CCDC120: variants seen among roughly 807,000 people sequenced by gnomAD.
CCDC120 encodes coiled-coil domain containing 120, also known as coiled-coil domain-containing protein 120.
CCDC120 carries 16 observed loss-of-function variants against 37.6 expected under a neutral mutation model. The observed-to-expected ratio is 0.43, with a 90% CI of 0.29 to 0.65. The LOEUF (loss-of-function observed/expected upper bound fraction) is 0.65. CCDC120 is among the 30% of genes least tolerant of loss of function. CCDC120 has a pLI of 0.18. For missense variants in CCDC120, 650 were observed against 657.4 expected (o/e 0.99, Z 0.12); for synonymous variants, 309 against 275.4 (o/e 1.12, Z -1.21).
chrX:49,058,517 A>G (rs1277477611), upstream of CCDC120, among the ~76,000 whole-genome samples: 1 of 111,949 alleles, frequency 8.9e-6, no homozygotes, highest in African/African-American at 3.2e-5. Flanking sequence ...ACAGCTCCCC[A>G]CACCTCTATG....
In CCDC120 at chrX:49,067,368, C is replaced by A; in HGVS notation, c.1254C>A (p.Pro418=). ...GAGSPPAPLA[P]SASGPPVCKS... ...GCTCCCCGCCTGCCCCTCTGGCTCC[C>A]TCTGCCTCTGGCCCCCCAGTCTGCA... The change falls in exon 10 of 11, where the codon CCC becomes CCA. Residue 418 remains proline (P), a synonymous_variant. Transcript: ENST00000603986. 1.7e-6 allele frequency: 2 copies of A among 1,199,934 alleles called. No homozygotes were observed. The highest frequency in any genetic ancestry group is 3.0e-5 in the East Asian group (1 of 33,312).
chrX:49,064,177 C>A (rs782010325), intron 5 of CCDC120, among the ~76,000 whole-genome samples, 176 bp downstream of exon 5: 2 of 111,620 alleles, frequency 1.8e-5, no homozygotes, highest in Non-Finnish European at 3.8e-5. Flanking sequence ...TGGTCCCTAA[C>A]TGTCAGGACA....
chrX:49,065,126 C>G, intron 7 of CCDC120, 28 bp downstream of exon 7: 1 of 1,188,320 alleles, frequency 8.4e-7, no homozygotes, highest in Non-Finnish European at 1.1e-6. Flanking sequence ...CCAAACCTGC[C>G]CCCGACTCCT....
Position 49,069,435 on chromosome X carries a change from G to A in CCDC120, c.*777G>A, listed in dbSNP as rs1287973719. On this transcript the variant is annotated 3_prime_UTR_variant, in exon 11 of 11. Transcript: ENST00000603986. Reference sequence around the variant, plus strand: ...TCTGTCACCAGGCTGGAGTGCAGCGGCGCAATCTCAGCTCACTGCAACCTC... The same window carrying A: ...TCTGTCACCAGGCTGGAGTGCAGCGACGCAATCTCAGCTCACTGCAACCTC... The A allele has an allele frequency of 6.2e-5, 7 of 112,238 alleles. No individual in the cohort carries two copies. The highest frequency in any genetic ancestry group is 2.3e-4 in the African/African-American group (7 of 30,857). 9.2% of individuals were successfully genotyped at this position (112,238 alleles called of 1,213,427 possible). A position where few individuals can be genotyped will look rare whatever the true frequency, so the allele number is the denominator to read the frequency against.
intron 10 of CCDC120, 75 bp from the exon 11 acceptor site, chrX:49,068,469 T>C: frequency 9.6e-7 from 1 of 1,046,325 alleles, no homozygotes; most frequent in East Asian, 3.8e-5. Flanking sequence ...CCTTTCTTTT[T>C]CTGTGTCTTG....
intron 10 of CCDC120, 121 bp from the exon 11 acceptor site, chrX:49,068,423 C>A: frequency 2.9e-6 from 3 of 1,048,790 alleles, no homozygotes; most frequent in Non-Finnish European, 3.7e-6. Context: ...AAGTGCTGTC[C>A]TGTGCCTGCC....
intron 2 of CCDC120, 31 bp from the exon 3 acceptor site, chrX:49,062,204 T>A: frequency 8.4e-7 from 1 of 1,193,265 alleles, no homozygotes; most frequent in Admixed American, 2.3e-5. Context: ...TGGGATGTGC[T>A]TCCTTAACGG....
Position 49,068,550 on chromosome X carries a change from C to T in CCDC120, c.1983C>T (p.Tyr661=), listed in dbSNP as rs1170847703. The T allele has an allele frequency of 8.8e-6, 10 of 1,139,728 alleles. No homozygotes were observed. Among genetic ancestry groups the T allele is most frequent in the African/African-American group, 1.8e-5 (1 of 54,388 alleles). 93.9% of individuals were successfully genotyped at this position (1,139,728 alleles called of 1,213,427 possible). A position where few individuals can be genotyped will look rare whatever the true frequency, so the allele number is the denominator to read the frequency against. ...CCTGCTACCCCTTCTAAAGATACTA[C>T]GCGGACTTCCTGTATCCCCCGGAGC... ...FTAPPVSGRY[Y]ADFLYPPELS... is the part of the protein sequence containing the mutation. The change falls in exon 11 of 11, where the codon TAC becomes TAT. Residue 661 remains tyrosine, a synonymous_variant. Transcript: ENST00000603986.
At chrX:49,058,236 A>G (rs377387383), upstream of CCDC120, among the ~76,000 whole-genome samples, 5 of 111,722 alleles carry the variant, frequency 4.5e-5, no homozygotes, top group East Asian at 1.4e-3. Flanking sequence ...CAAAACCCAT[A>G]AGTGTTTTGT....
In CCDC120 at chrX:49,063,872, C is replaced by G; in HGVS notation, c.300C>G (p.Gly100=). 6.6e-6 allele frequency: 8 copies of G among 1,205,405 alleles called. No individual in the cohort carries two copies. The highest frequency in any genetic ancestry group is 9.0e-6 in the Non-Finnish European group (8 of 892,270). Residue 100 remains glycine, a synonymous_variant, in exon 5 of 11, where the codon GGC becomes GGG. Coordinates refer to ENST00000603986, the MANE Select transcript of CCDC120 (RefSeq NM_001163321.4). ...CTGCCTCCCACCAGGAGCTGACTGG[C>G]CAGCTGCCCCCTGAGTGCCCACTAG... The part of the protein sequence containing the change: ...KVCLQEAELT[G]QLPPECPLEP...
intron 1 of CCDC120, chrX:49,053,908 G>A (rs2064814807): frequency 8.8e-6 from 1 of 113,084 alleles, no homozygotes; most frequent in Non-Finnish European, 1.9e-5. Context: ...GCGGAGGAAG[G>A]GAGGGGACAG....
At chrX:49,059,343 C>T (rs968355825) in intron 1 of CCDC120, 9 of 752,564 alleles carry the variant, frequency 1.2e-5, no homozygotes, top group Middle Eastern at 7.4e-4. Context: ...CGGAAATGGA[C>T]GAGGAGGGAT....
At chrX:49,068,508 G>A (rs781966033) in intron 10 of CCDC120, 36 bp from the exon 11 acceptor site, 8 of 1,060,620 alleles carry the variant, frequency 7.5e-6, no homozygotes, top group Middle Eastern at 5.1e-4. Context: ...TGTCTTCCCC[G>A]CCCTGTCCTC....
At chrX:49,058,628 T>C (rs963260253), upstream of CCDC120, among the ~76,000 whole-genome samples, 1 of 112,616 alleles carries the variant, frequency 8.9e-6, no homozygotes, top group Admixed American at 9.3e-5. Context: ...CAGCCCTTCT[T>C]CCCAGTTTTC....
At chrX:49,058,649 A>G (rs950511907), upstream of CCDC120, among the ~76,000 whole-genome samples, 3 of 112,412 alleles carry the variant, frequency 2.7e-5, no homozygotes, top group African/African-American at 9.7e-5. Flanking sequence ...TGCTAAGTGT[A>G]CGGGGTGAGG....
chrX:49,066,972 C>T (rs1221337694), intron 9 of CCDC120: 5 of 426,093 alleles, frequency 1.2e-5, no homozygotes, highest in Middle Eastern at 6.5e-4. Context: ...CGCATTTCTA[C>T]CCCTGACCGC....
In CCDC120 at chrX:49,067,910, T is replaced by G; in HGVS notation, c.1796T>G (p.Ile599Ser). The change falls in exon 10 of 11, where the codon ATC (isoleucine) becomes AGC (serine). Residue 599 changes from isoleucine (I) to serine (S), a missense_variant. Ile to Ser is a moderately radical substitution (Grantham distance 142). Around this residue, in one of 3 missense-constraint regions of CCDC120, gnomAD observed 576 missense variants for 565.3 expected, o/e 1.02. Transcript: ENST00000603986. ...CTGGAGGGGCTGCGGGACTGGTACA[T>G]CCGGAACTCGGGACTGGCTGCGGGG... The part of the protein sequence containing the change: ...LALEGLRDWY[I>S]RNSGLAAGPQ... The G allele has an allele frequency of 3.5e-6, 4 of 1,157,869 alleles. No homozygotes were observed. The highest frequency in any genetic ancestry group is 4.6e-6 in the Non-Finnish European group (4 of 866,071).
Position 49,065,512 on chromosome X carries a change from C to G in CCDC120, c.846C>G (p.Asp282Glu), listed in dbSNP as rs782003632. The change falls in exon 8 of 11, where the codon GAC becomes GAG. Residue 282 changes from aspartate to glutamate, a missense_variant. By Grantham distance (45) the Asp-to-Glu change is conservative. Transcript: ENST00000603986. Reference sequence around the variant, plus strand: ...GCCCCTCACCACCCAAGGCTTGGGACCAGCTGCGGGCAGTATCTGGGGGGA... The same window carrying G: ...GCCCCTCACCACCCAAGGCTTGGGAGCAGCTGCGGGCAGTATCTGGGGGGA... ...AERPSPPKAW[D>E]QLRAVSGGSP... The G allele has an allele frequency of 2.5e-6, 3 of 1,208,777 alleles. No individual in the cohort carries two copies. Among genetic ancestry groups the G allele is most frequent in the Non-Finnish European group, 3.4e-6 (3 of 894,487 alleles).
rs782535215 is a variant in CCDC120 at position 49,068,532 on chromosome X, C to T, written c.1977-12C>T. On this transcript the variant is annotated splice_polypyrimidine_tract_variant and intron_variant, in intron 10 of 10. Coordinates refer to ENST00000603986, the MANE Select transcript of CCDC120 (RefSeq NM_001163321.4). ...CGCCCTGTCCTCCGGATTCCTGCTA[C>T]CCCTTCTAAAGATACTACGCGGACT... 16 of 1,111,376 alleles carry T rather than the reference C, an allele frequency of 1.4e-5. No individual in the cohort carries two copies. The highest frequency in any genetic ancestry group is 1.8e-5 in the Non-Finnish European group (15 of 844,190). 91.6% of individuals were successfully genotyped at this position (1,111,376 alleles called of 1,213,427 possible).
Sources: allele counts gnomAD v4.1 joint callset (sites outside exome capture counted in the v4.1 genomes callset), GRCh38; gene constraint gnomAD v4.1.1; regional missense constraint gnomAD v4.1.1; transcripts MANE v1.5; gene names NCBI Gene and HGNC (gene_info 2026-07-23, HGNC 2026-07-21).